CDYL: variants seen among roughly 807,000 people sequenced by gnomAD.
CDYL encodes the protein chromodomain Y-like protein.
Under a neutral mutation model 47.3 loss-of-function variants are expected in CDYL, and 8 were observed. The ratio of observed to expected loss-of-function variants is 0.17; its 90% CI spans 0.10 to 0.31. The LOEUF (loss-of-function observed/expected upper bound fraction) is 0.31. CDYL is among the 10% of genes least tolerant of loss of function. The probability of loss-of-function intolerance (pLI) is 1.00; values close to 1 mark genes in which losing one functional copy is unlikely to be tolerated. For missense variants in CDYL, 471 were observed against 701.4 expected (o/e 0.67, Z 3.71); for synonymous variants, 266 against 265.0 (o/e 1.00, Z -0.04).
In CDYL at chr6:4,879,951, G is replaced by A. The variant is rs566297429; in HGVS notation, c.25-11762G>A. ...AATAGAGATTTCCCTATACCCTCTC[G>A]CACGCCCCTACACACATACAGCCTC... is the stretch of plus-strand genomic sequence containing the variant. On this transcript the variant is annotated intron_variant, in intron 1 of 6. Transcript: ENST00000397588. Among the ~76,000 whole-genome samples, 84 of 152,048 alleles carry A rather than the reference G, an allele frequency of 5.5e-4. 1 individual carries two copies. Among genetic ancestry groups the A allele is most frequent in the African/African-American group, 1.9e-3 (77 of 41,456 alleles).
At chr6:4,723,670 G>T (rs903018756) in intron 2 of CDYL, among the ~76,000 whole-genome samples, 1 of 152,168 alleles carries the variant, frequency 6.6e-6, no homozygotes, top group Non-Finnish European at 1.5e-5. Context: ...GCAGAGGAAG[G>T]GGGCTTGTTG....
At chr6:4,903,049 T>C (rs1426241030) in intron 2 of CDYL, among the ~76,000 whole-genome samples, 1 of 152,192 alleles carries the variant, frequency 6.6e-6, no homozygotes, top group Non-Finnish European at 1.5e-5. Flanking sequence ...GAGTGAGTTG[T>C]TGGAGGAATT....
At chr6:4,805,722 G>C (rs1444338448) in intron 1 of CDYL, among the ~76,000 whole-genome samples, 1 of 152,162 alleles carries the variant, frequency 6.6e-6, no homozygotes, top group Non-Finnish European at 1.5e-5. Context: ...CTCATGAAGA[G>C]GGAAAGGGGA....
At chr6:4,950,196 T>C (rs1029157204) in intron 5 of CDYL, among the ~76,000 whole-genome samples, 3 of 151,970 alleles carry the variant, frequency 2.0e-5, no homozygotes, top group Non-Finnish European at 2.9e-5. Context: ...GTTGGAAGAA[T>C]TGACTGGGAC....
At chr6:4,769,739 C>A (rs1344201377) in intron 3 of CDYL, among the ~76,000 whole-genome samples, 1 of 152,172 alleles carries the variant, frequency 6.6e-6, no homozygotes, top group Admixed American at 6.5e-5. Context: ...GGCCTGGGCT[C>A]AACAGCTTCC....
At position 4,746,598 on chromosome 6, in the gene CDYL, G is replaced by A. The variant is rs114611699; in HGVS notation, c.186+11754G>A. On this transcript the variant is annotated intron_variant, in intron 3 of 8. Coordinates refer to the CDYL transcript ENST00000328908. Reference sequence around the variant, plus strand: ...GCCTGGTGGCTGAGAGAGGAGGCGGGGTCAGGCCCAATGTCCAGGTACCCA... The same window carrying A: ...GCCTGGTGGCTGAGAGAGGAGGCGGAGTCAGGCCCAATGTCCAGGTACCCA... Among the ~76,000 whole-genome samples the A allele has an allele frequency of 9.9e-3, 1,500 of 152,254 alleles. 38 individuals are homozygous for A. The highest frequency in any genetic ancestry group is 0.034 in the African/African-American group (1,416 of 41,548).
intron 1 of CDYL, among the ~76,000 whole-genome samples, chr6:4,715,448 G>A (rs572251513): frequency 1.3e-5 from 2 of 152,320 alleles, no homozygotes; most frequent in East Asian, 1.9e-4. Flanking sequence ...ACTCTTCCAT[G>A]TATTGTAATA....
intron 1 of CDYL, among the ~76,000 whole-genome samples, chr6:4,787,008 G>T (rs1044706835): frequency 6.6e-6 from 1 of 152,162 alleles, no homozygotes; most frequent in African/African-American, 2.4e-5. Flanking sequence ...TAGAAGAATG[G>T]CTGCCCACTT....
intron 1 of CDYL, among the ~76,000 whole-genome samples, chr6:4,819,550 A>T (rs1428047152): frequency 6.6e-6 from 1 of 152,198 alleles, no homozygotes; most frequent in African/African-American, 2.4e-5. Flanking sequence ...AGGTATCATC[A>T]TGACAACATC....
At position 4,937,529 on chromosome 6, in the gene CDYL, A is replaced by G. The variant is rs764081888; in HGVS notation, c.949-36A>G. 9.4e-6 allele frequency: 14 copies of G among 1,491,620 alleles called. No homozygotes were observed. The African/African-American group carries it at 2.0e-4, about 22-fold the overall frequency. The allele number at this position is 1,491,620 out of a possible 1,614,324, so 92.4% of individuals were successfully genotyped here. ...AATGCTTTAAGATTTTAAACCCAAA[A>G]TATTCTTTGCCACTTTAACTTCTGG... On this transcript the variant is annotated intron_variant, in intron 3 of 6. Coordinates refer to ENST00000397588, the MANE Select transcript of CDYL (RefSeq NM_004824.4).
At chr6:4,797,331 C>T (rs1293626809) in intron 1 of CDYL, among the ~76,000 whole-genome samples, 1 of 152,094 alleles carries the variant, frequency 6.6e-6, no homozygotes, top group Admixed American at 6.5e-5. Context: ...AATTTCCCGA[C>T]ATTTCATTTG....
intron 1 of CDYL, among the ~76,000 whole-genome samples, chr6:4,778,770 T>C (rs1172554105): frequency 6.6e-6 from 1 of 152,260 alleles, no homozygotes; most frequent in Non-Finnish European, 1.5e-5. Flanking sequence ...AGGCAAAATT[T>C]GTAACTTTTC....
chr6:4,792,622 G>C (rs1002537662), intron 1 of CDYL, among the ~76,000 whole-genome samples: 2 of 151,928 alleles, frequency 1.3e-5, no homozygotes, highest in Non-Finnish European at 2.9e-5. Context: ...TTTTAGTAGA[G>C]ACAGGGTTTC....
At chr6:4,866,827 C>A (rs1351694529) in intron 1 of CDYL, among the ~76,000 whole-genome samples, 1 of 151,986 alleles carries the variant, frequency 6.6e-6, no homozygotes, top group Non-Finnish European at 1.5e-5. Context: ...TTGCGTTCTA[C>A]CCCCATACTA....
Position 4,937,573 on chromosome 6 carries a change from A to G in CDYL, c.957A>G (p.Arg319=). 1 of 1,538,008 alleles carries G rather than the reference A, an allele frequency of 6.5e-7. No individual in the cohort carries two copies. The highest frequency in any genetic ancestry group is 8.7e-7 in the Non-Finnish European group (1 of 1,144,514). Residue 319 remains arginine, a synonymous_variant, in exon 4 of 7, where the codon AGA becomes AGG. Coordinates refer to ENST00000397588, the MANE Select transcript of CDYL (RefSeq NM_004824.4). ...CTTCTGGTGACTTTCAGGTAATGAG[A>G]GAAGTCCAGAGTGCTCTGAGCACGG... ...ENNSLNPEVM[R]EVQSALSTAA... is the part of the protein sequence containing the mutation.
intron 1 of CDYL, among the ~76,000 whole-genome samples, chr6:4,836,783 T>C (rs189844097): frequency 6.6e-6 from 1 of 152,216 alleles, no homozygotes; most frequent in East Asian, 1.9e-4. Context: ...TGGGACTGAG[T>C]GCGAGGAAGG....
At chr6:4,896,142 A>T (rs936747920) in intron 2 of CDYL, among the ~76,000 whole-genome samples, 2 of 152,208 alleles carry the variant, frequency 1.3e-5, no homozygotes, top group African/African-American at 4.8e-5. Context: ...GAGCATTTTT[A>T]GGACAGTGGT....
At chr6:4,918,024 G>A (rs1757605041) in intron 2 of CDYL, among the ~76,000 whole-genome samples, 1 of 152,148 alleles carries the variant, frequency 6.6e-6, no homozygotes, top group South Asian at 2.1e-4. Context: ...TAATATCTAG[G>A]TTTTGAAATT....
rs116469018 is a variant in CDYL at position 4,885,233 on chromosome 6, A to G, written c.25-6480A>G. Among the ~76,000 whole-genome samples, 1,164 of 152,292 alleles carry G rather than the reference A, an allele frequency of 7.6e-3. 17 individuals carry two copies. The highest frequency in any genetic ancestry group is 0.026 in the African/African-American group (1,095 of 41,550). On this transcript the variant is annotated intron_variant, in intron 1 of 6. Transcript: ENST00000397588. ...GGCCTCAAACTGCTAGGTTCTAGCA[A>G]TGCTGCCACCTCAGCTTTCCAAAGT...
Sources: gnomAD v4.1 joint callset for allele counts (sites outside exome capture counted in the v4.1 genomes callset) on GRCh38, gnomAD v4.1.1 for gene constraint, MANE v1.5 for transcripts, NCBI Gene and HGNC (gene_info 2026-07-23, HGNC 2026-07-21) for gene names.